Variants in CLIC3 observed in about 807,000 individuals in gnomAD.
The protein encoded by CLIC3 is chloride intracellular channel protein 3.
Under a neutral mutation model 19.9 loss-of-function variants are expected in CLIC3, and 29 were observed. The observed-to-expected ratio is 1.46, with a 90% CI of 1.09 to 1.99. The LOEUF is 1.99. CLIC3 is among the 30% of genes most tolerant of loss of function. The pLI is 0.00. For synonymous variants in CLIC3, 143 were observed against 156.4 expected (o/e 0.91, Z 0.64); for missense variants, 365 against 342.6 (o/e 1.07, Z -0.52).
rs774589141 is a variant in CLIC3, at chr9:136,995,267, T to C, written c.295A>G (p.Arg99Gly). 6.2e-7 allele frequency: 1 copy of C among 1,612,652 alleles called. No individual in the cohort carries two copies. The highest frequency in any genetic ancestry group is 2.2e-5 in the East Asian group (1 of 44,858). ...PDFPSLAPRYRESNTAGNDVF... is the reference protein window; with the variant it reads ...PDFPSLAPRYGESNTAGNDVF... ...TCGTTGCCGGCGGTGTTGGACTCCC[T>C]GTAACGAGGCGCCAGGCTGGGGAAG... Residue 99 changes from arginine to glycine, a missense_variant, in exon 4 of 6, where the codon AGG (arginine) becomes GGG (glycine). Transcript: ENST00000494426.
chr9:136,995,866 G>C, intron 1 of CLIC3, 109 bp from the exon 2 acceptor site: 1 of 733,694 alleles, frequency 1.4e-6, no homozygotes, highest in Non-Finnish European at 2.2e-6. Flanking sequence ...TTGGAGGGAC[G>C]CCAGGGCTCC....
At chr9:136,994,899 A>AGCC in intron 5 of CLIC3, 31 bp downstream of exon 5, 4 of 1,254,284 alleles carry the variant, frequency 3.2e-6, no homozygotes, top group Non-Finnish European at 4.3e-6. Flanking sequence ...CGCCGCGGTC[A>AGCC]CCCTCCCGCC....
In CLIC3 at chr9:136,996,428, AC is replaced by A. The variant is rs897275629; in HGVS notation, c.33+82del. 4 of 1,321,358 alleles carry A rather than the reference AC, an allele frequency of 3.0e-6. No homozygotes were observed. In the African/African-American group the frequency reaches 5.9e-5, roughly 19 times the overall value. The allele number at this position is 1,321,358 out of a possible 1,614,324, so 81.9% of individuals were successfully genotyped here. A position where few individuals can be genotyped will look rare whatever the true frequency, so the allele number is the denominator to read the frequency against. The stretch of plus-strand genomic sequence containing the variant: ...GGGCTCAGACATTACTGGGAGGCCC[AC>A]CCCACAGCCTGCCACAGAAAGCAAA... On this transcript the variant is annotated intron_variant, in intron 1 of 5. Coordinates refer to ENST00000494426, the MANE Select transcript of CLIC3 (RefSeq NM_004669.3).
intron 1 of CLIC3, 75 bp from the exon 2 acceptor site, chr9:136,995,832 A>T: frequency 9.6e-7 from 1 of 1,037,318 alleles, no homozygotes; most frequent in South Asian, 1.5e-5. Flanking sequence ...GCTGGGCGGG[A>T]CCCGCCTCCC....
At position 136,994,638 on chromosome 9, in the gene CLIC3, C is replaced by G; in HGVS notation, c.*43G>C. 1 of 1,582,020 alleles carries G rather than the reference C, an allele frequency of 6.3e-7. No homozygotes were observed. The highest frequency in any genetic ancestry group is 8.6e-7 in the Non-Finnish European group (1 of 1,163,556). ...TCAGATGTCAGGACACCCTCACTCC[C>G]GACAAAGATGCCTTTATTGGGCGAC... On this transcript the variant is annotated 3_prime_UTR_variant, in exon 6 of 6. Coordinates refer to ENST00000494426, the MANE Select transcript of CLIC3 (RefSeq NM_004669.3).
chr9:136,996,142 C>T (rs1250404633), intron 1 of CLIC3, among the ~76,000 whole-genome samples: 1 of 152,202 alleles, frequency 6.6e-6, no homozygotes, highest in Non-Finnish European at 1.5e-5. Flanking sequence ...CAGTCCCCCA[C>T]CCCAGTCCCC....
chr9:136,995,891 G>A (rs1830698505), intron 1 of CLIC3, 134 bp from the exon 2 acceptor site: 2 of 632,812 alleles, frequency 3.2e-6, no homozygotes, highest in African/African-American at 1.8e-5. Flanking sequence ...TGGTCGGCGC[G>A]ACTTCCAAGT....
In CLIC3 at chr9:136,995,206, G is replaced by C; in HGVS notation, c.356C>G (p.Pro119Arg). ...FHKFSAFIKNPVPAQDEALYQ... is the reference protein window; with the variant it reads ...FHKFSAFIKNRVPAQDEALYQ... ...TTCACCTTCGTCCTGCGCGGGCACC[G>C]GGTTCTTGATGAACGCGGAGAACTT... is the stretch of plus-strand genomic sequence containing the variant. The change falls in exon 4 of 6, where the codon CCG (proline) becomes CGG (arginine). Residue 119 changes from proline (P) to arginine (R), a missense_variant. Pro to Arg is a moderately radical substitution (Grantham distance 103, BLOSUM62 -2). Coordinates refer to ENST00000494426, the MANE Select transcript of CLIC3 (RefSeq NM_004669.3). The C allele has an allele frequency of 6.2e-7, 1 of 1,612,640 alleles. No individual in the cohort carries two copies. The highest frequency in any genetic ancestry group is 8.5e-7 in the Non-Finnish European group (1 of 1,179,848).
intron 5 of CLIC3, 32 bp downstream of exon 5, chr9:136,994,898 C>CTG: frequency 1.4e-6 from 2 of 1,467,882 alleles, no homozygotes; most frequent in Non-Finnish European, 1.8e-6. Flanking sequence ...GCGCCGCGGT[C>CTG]ACCCTCCCGC....
rs1346741123 is a variant in CLIC3, at chr9:136,996,562, C to G, written c.-19G>C. 3.9e-6 allele frequency: 6 copies of G among 1,552,166 alleles called. No individual in the cohort carries two copies. Among genetic ancestry groups the G allele is most frequent in the Non-Finnish European group, 5.2e-6 (6 of 1,147,480 alleles). ...CCGCCATGGTGGGAGCTGCCGCGGT[C>G]AGGCGCGGGTGGGGACCTGGGGAGC... On this transcript the variant is annotated 5_prime_UTR_variant, in exon 1 of 6. Transcript: ENST00000494426.
intron 1 of CLIC3, 136 bp from the exon 2 acceptor site, chr9:136,995,893 C>G (rs1328289422): frequency 9.6e-6 from 6 of 625,358 alleles, no homozygotes; most frequent in Non-Finnish European, 1.7e-5. Flanking sequence ...GTCGGCGCGA[C>G]TTCCAAGTGC....
Position 136,995,170 on chromosome 9 carries a change from C to T in CLIC3, c.376+16G>A, listed in dbSNP as rs745885366. 17 of 1,607,640 alleles carry T rather than the reference C, an allele frequency of 1.1e-5. No individual in the cohort carries two copies. Among genetic ancestry groups the T allele is most frequent in the Middle Eastern group, 1.7e-4 (1 of 6,016 alleles). On this transcript the variant is annotated intron_variant, in intron 4 of 5. Coordinates refer to ENST00000494426, the MANE Select transcript of CLIC3 (RefSeq NM_004669.3). ...GCCCTCCCGCCTGGGCACCCGACCC[C>T]CTGACCCCGCTTCACCTTCGTCCTG...
At position 136,996,547 on chromosome 9, in the gene CLIC3, G is replaced by A; in HGVS notation, c.-4C>T. The A allele has an allele frequency of 6.4e-7, 1 of 1,553,606 alleles. No homozygotes were observed. Among genetic ancestry groups the A allele is most frequent in the Non-Finnish European group, 8.7e-7 (1 of 1,148,136 alleles). ...GCTGGAGCTTGGTCTCCGCCATGGTGGGAGCTGCCGCGGTCAGGCGCGGGT... is the reference window on the plus strand; with the variant it reads ...GCTGGAGCTTGGTCTCCGCCATGGTAGGAGCTGCCGCGGTCAGGCGCGGGT... On this transcript the variant is annotated 5_prime_UTR_variant, in exon 1 of 6. Coordinates refer to ENST00000494426, the MANE Select transcript of CLIC3 (RefSeq NM_004669.3).
At chr9:136,995,128 A>G (rs979597232) in intron 4 of CLIC3, 23 bp from the exon 5 acceptor site, 6 of 1,578,476 alleles carry the variant, frequency 3.8e-6, no homozygotes, top group Non-Finnish European at 5.2e-6. Flanking sequence ...CGGCGCGGTG[A>G]GGACCAGGCC....
Position 136,995,084 on chromosome 9 carries a change from C to T in CLIC3, c.398G>A (p.Arg133His), listed in dbSNP as rs1402063175. Reference protein sequence around the residue: ...QDEALYQQLLRALARLDSYLR... With the variant: ...QDEALYQQLLHALARLDSYLR... ...GTAGCTGTCCAGCCTGGCGAGGGCG[C>T]GCAGCAGCTGCTGGTACAGGGCTAG... The change falls in exon 5 of 6, where the codon CGC (arginine) becomes CAC (histidine). Residue 133 changes from arginine to histidine, a missense_variant. By Grantham distance (29) the Arg-to-His change is conservative (BLOSUM62 0). Coordinates refer to ENST00000494426, the MANE Select transcript of CLIC3 (RefSeq NM_004669.3). 6.6e-7 allele frequency: 1 copy of T among 1,522,470 alleles called. No individual in the cohort carries two copies. The highest frequency in any genetic ancestry group is 1.2e-5 in the South Asian group (1 of 81,488). 94.3% of individuals were successfully genotyped at this position (1,522,470 alleles called of 1,614,324 possible).
chr9:136,996,419 G>A (rs1159231688), intron 1 of CLIC3, 92 bp downstream of exon 1: 3 of 1,206,770 alleles, frequency 2.5e-6, no homozygotes, highest in Non-Finnish European at 3.6e-6. Flanking sequence ...AGACATTACT[G>A]GGAGGCCCAC....
chr9:136,994,897 T>TCACCCCCCCCCCCCCC, intron 5 of CLIC3, 33 bp downstream of exon 5: 1 of 1,471,248 alleles, frequency 6.8e-7, no homozygotes, highest in Non-Finnish European at 8.9e-7. Context: ...CGCGCCGCGG[T>TCACCCCCCCCCCCCCC]CACCCTCCCG....
rs748938459 is a variant in CLIC3 at position 136,996,567 on chromosome 9, G to A, written c.-24C>T. On this transcript the variant is annotated 5_prime_UTR_variant, in exon 1 of 6. Coordinates refer to ENST00000494426, the MANE Select transcript of CLIC3 (RefSeq NM_004669.3). ...ATGGTGGGAGCTGCCGCGGTCAGGC[G>A]CGGGTGGGGACCTGGGGAGCTCTTT... 22 of 1,551,540 alleles carry A rather than the reference G, an allele frequency of 1.4e-5. No individual in the cohort carries two copies. Among genetic ancestry groups the A allele is most frequent in the African/African-American group, 2.7e-5 (2 of 73,208 alleles).
chr9:136,994,663 C>G lies in CLIC3; in HGVS notation c.*18G>C. On this transcript the variant is annotated 3_prime_UTR_variant, in exon 6 of 6. Coordinates refer to ENST00000494426, the MANE Select transcript of CLIC3 (RefSeq NM_004669.3). ...CGACAAAGATGCCTTTATTGGGCGACAGACGCGGGGTGGGGCGCTAGCGGG... is the reference window on the plus strand; with the variant it reads ...CGACAAAGATGCCTTTATTGGGCGAGAGACGCGGGGTGGGGCGCTAGCGGG... The G allele has an allele frequency of 1.3e-6, 2 of 1,598,418 alleles. No individual in the cohort carries two copies. Among genetic ancestry groups the G allele is most frequent in the Non-Finnish European group, 1.7e-6 (2 of 1,172,556 alleles).
Sources: allele counts gnomAD v4.1 joint callset (sites outside exome capture counted in the v4.1 genomes callset), GRCh38; gene constraint gnomAD v4.1.1; transcripts MANE v1.5; gene names NCBI Gene and HGNC (gene_info 2026-07-23, HGNC 2026-07-21).